CCDC144A: variants seen among roughly 807,000 people sequenced by gnomAD.
CCDC144A encodes coiled-coil domain-containing protein 144A.
CCDC144A carries 41 observed loss-of-function variants against 143.8 expected under a neutral mutation model. That is an observed-to-expected ratio of 0.29 (90% CI 0.22 to 0.37). The LOEUF is 0.37. CCDC144A is among the 10% of genes least tolerant of loss of function. The pLI, the probability that CCDC144A is intolerant of heterozygous loss-of-function variation, is 1.00. For synonymous variants in CCDC144A, 242 were observed against 517.9 expected (o/e 0.47, Z 7.23); for missense variants, 637 against 1,488.8 (o/e 0.43, Z 9.41).
At chr17:16,667,515 G>A in the CCDC144A span, among the ~76,000 whole-genome samples, 1 of 152,148 alleles carries the variant, frequency 6.6e-6, no homozygotes, top group Non-Finnish European at 1.5e-5. Context: ...CAGCGTGCCG[G>A]GTCCCTGCGG....
At chr17:16,724,260 G>C (rs1231023745) in intron 8 of CCDC144A, among the ~76,000 whole-genome samples, 1 of 151,972 alleles carries the variant, frequency 6.6e-6, no homozygotes, top group Non-Finnish European at 1.5e-5. Flanking sequence ...ATTGCAGGCC[G>C]GGTGCAGTGG....
intron 12 of CCDC144A, among the ~76,000 whole-genome samples, chr17:16,756,085 G>A (rs1915070739): frequency 6.6e-6 from 1 of 152,216 alleles, no homozygotes; most frequent in Admixed American, 6.5e-5. Flanking sequence ...CTGCAGAGAA[G>A]ACATTTTTTA....
intron 12 of CCDC144A, among the ~76,000 whole-genome samples, chr17:16,756,277 T>TA (rs1260063164): frequency 6.6e-6 from 1 of 152,264 alleles, no homozygotes; most frequent in Non-Finnish European, 1.5e-5. Context: ...ATATACCACA[T>TA]ACACTGTCTT....
Position 16,690,344 on chromosome 17 carries a change from T to C in CCDC144A, c.-57T>C, listed in dbSNP as rs906604285. 16 of 1,368,638 alleles carry C rather than the reference T, an allele frequency of 1.2e-5. No homozygotes were observed. Among genetic ancestry groups the C allele is most frequent in the Non-Finnish European group, 1.6e-5 (16 of 1,023,228 alleles). 84.8% of individuals were successfully genotyped at this position (1,368,638 alleles called of 1,614,324 possible). A position where few individuals can be genotyped will look rare whatever the true frequency, so the allele number is the denominator to read the frequency against. ...GCTTGGCGGTCCTCCTTTCGCAGATTGGAAACCGCGGGCTATCCTGCTGGG... is the reference window on the plus strand; with the variant it reads ...GCTTGGCGGTCCTCCTTTCGCAGATCGGAAACCGCGGGCTATCCTGCTGGG... On this transcript the variant is annotated 5_prime_UTR_variant, in exon 1 of 17. Coordinates refer to ENST00000399273, the MANE Select transcript of CCDC144A (RefSeq NM_001382000.1).
At chr17:16,714,534 A>G (rs1912631274) in intron 6 of CCDC144A, among the ~76,000 whole-genome samples, 1 of 152,126 alleles carries the variant, frequency 6.6e-6, no homozygotes, top group Non-Finnish European at 1.5e-5. Context: ...CTGTCAGCAG[A>G]TCTTGTCAGG....
chr17:16,755,641 C>T (rs1459290822), intron 12 of CCDC144A, among the ~76,000 whole-genome samples: 1 of 152,226 alleles, frequency 6.6e-6, no homozygotes, highest in Non-Finnish European at 1.5e-5. Context: ...CTTACTGCAA[C>T]CTCTGCCTCC....
rs1157607573 is a variant in CCDC144A, at chr17:16,776,365, C to T, written c.*2732C>T. 6.6e-6 allele frequency: 1 copy of T among 152,140 alleles called. No homozygotes were observed. The allele number at this position is 152,140 out of a possible 1,614,324, so 9.4% of individuals were successfully genotyped here. A position where few individuals can be genotyped will look rare whatever the true frequency, so the allele number is the denominator to read the frequency against. ...ATGTTTTTCCATTTGTTTGTGTCAT[C>T]TCTGATTTCTTTGAATAATGGTTTA... On this transcript the variant is annotated 3_prime_UTR_variant, in exon 17 of 17. Coordinates refer to ENST00000399273, the MANE Select transcript of CCDC144A (RefSeq NM_001382000.1).
rs534190103 is a variant in CCDC144A at position 16,690,820 on chromosome 17, G to C, written c.344+76G>C. Reference sequence around the variant, plus strand: ...GGTGCCCGCAGGCCCCACGGCACCCGGGATGGGGAAACGTCAGAGGGGTCA... The same window carrying C: ...GGTGCCCGCAGGCCCCACGGCACCCCGGATGGGGAAACGTCAGAGGGGTCA... On this transcript the variant is annotated intron_variant, in intron 1 of 16. Transcript: ENST00000399273. The C allele has an allele frequency of 1.2e-4, 172 of 1,477,406 alleles. No homozygotes were observed. In the African/African-American group the frequency reaches 2.3e-3, roughly 20 times the overall value. The allele number at this position is 1,477,406 out of a possible 1,614,324, so 91.5% of individuals were successfully genotyped here.
chr17:16,686,747 AACACACACACACACACACACAC>A (rs142329474), upstream of CCDC144A, among the ~76,000 whole-genome samples: 1 of 140,394 alleles, frequency 7.1e-6, no homozygotes, highest in South Asian at 2.3e-4. Context: ...CACACACACA[AACACACACACACACACACACAC>A]ACACACACAC....
At chr17:16,710,568 C>T (rs1266881569) in intron 5 of CCDC144A, among the ~76,000 whole-genome samples, 3 of 151,934 alleles carry the variant, frequency 2.0e-5, no homozygotes, top group Non-Finnish European at 4.4e-5. Context: ...GTTAATATAA[C>T]TACTCTCCAC....
At chr17:16,750,380 A>G (rs1282178613) in intron 12 of CCDC144A, among the ~76,000 whole-genome samples, 1 of 149,714 alleles carries the variant, frequency 6.7e-6, no homozygotes, top group African/African-American at 2.5e-5. Flanking sequence ...TTCTTGGCTG[A>G]AATTTCTTTA....
chr17:16,720,524 A>C lies in CCDC144A; in HGVS notation c.1757A>C (p.Asn586Thr). 1 of 1,599,032 alleles carries C rather than the reference A, an allele frequency of 6.3e-7. No individual in the cohort carries two copies. The highest frequency in any genetic ancestry group is 8.5e-7 in the Non-Finnish European group (1 of 1,172,144). Residue 586 changes from asparagine (N) to threonine (T), a missense_variant, in exon 8 of 17, where the codon AAC (asparagine) becomes ACC (threonine). Coordinates refer to ENST00000399273, the MANE Select transcript of CCDC144A (RefSeq NM_001382000.1). ...GTATTATTTATCTTATAGGTCAAAA[A>C]CCAAATATATCCTGAGGCTGACTTT... ...KTSNEKNEVK[N>T]QIYPEADFAD... is the part of the protein sequence containing the mutation.
chr17:16,752,158 G>A (rs570130907), intron 12 of CCDC144A, among the ~76,000 whole-genome samples: 7 of 152,174 alleles, frequency 4.6e-5, no homozygotes, highest in Admixed American at 6.5e-5. Context: ...GCATTACCAC[G>A]TGAGCTTCGC....
chr17:16,675,815 T>C, the CCDC144A span, among the ~76,000 whole-genome samples: 1 of 152,074 alleles, frequency 6.6e-6, no homozygotes, highest in African/African-American at 2.4e-5. Flanking sequence ...CCATCTCGGC[T>C]CACTGCAAGC....
At chr17:16,769,567 A>G (rs1347163203) in intron 15 of CCDC144A, among the ~76,000 whole-genome samples, 2 of 152,210 alleles carry the variant, frequency 1.3e-5, no homozygotes, top group African/African-American at 4.8e-5. Context: ...GAGAATGAAT[A>G]GTTCTTTTAA....
In CCDC144A at chr17:16,771,759, C is replaced by G. The variant is rs556973484; in HGVS notation, c.4099-218C>G. 5.6e-3 allele frequency among the ~76,000 whole-genome samples: 850 copies of G among 152,302 alleles called. 7 individuals carry two copies. The highest frequency in any genetic ancestry group is 0.019 in the African/African-American group (807 of 41,532). On this transcript the variant is annotated intron_variant, in intron 15 of 16. Coordinates refer to ENST00000399273, the MANE Select transcript of CCDC144A (RefSeq NM_001382000.1). ...CTCCAACAGACCAATATTAATTGTA[C>G]TTTTGTGAGATTAATCTAAACAGCA...
At chr17:16,753,443 T>TTG (rs1914912364) in intron 12 of CCDC144A, among the ~76,000 whole-genome samples, 1 of 132,692 alleles carries the variant, frequency 7.5e-6, no homozygotes, top group Non-Finnish European at 1.5e-5. Flanking sequence ...TTTTTTTTTT[T>TTG]TTTTTTTTTT....
At chr17:16,682,890 T>G in the CCDC144A span, among the ~76,000 whole-genome samples, 22 of 74,310 alleles carry the variant, frequency 3.0e-4, no homozygotes, top group African/African-American at 1.4e-3. Context: ...TCTGTTTTTT[T>G]TTTTTTTTTT....
At chr17:16,756,012 T>C (rs139843675) in intron 12 of CCDC144A, among the ~76,000 whole-genome samples, 15,670 of 150,914 alleles carry the variant, frequency 0.1, 602 homozygotes, top group South Asian at 0.26. Context: ...GATTCCCTTG[T>C]ATGTGACTTG....
Sources: allele counts gnomAD v4.1 joint callset (sites outside exome capture counted in the v4.1 genomes callset), GRCh38; gene constraint gnomAD v4.1.1; transcripts MANE v1.5; gene names NCBI Gene and HGNC (gene_info 2026-07-23, HGNC 2026-07-21).